The following SFT2D2 variants were observed in gnomAD, a reference collection of about 807,000 sequenced individuals.
The protein encoded by SFT2D2 is vesicle transport protein SFT2B.
A neutral mutation model predicts 27.4 loss-of-function variants in SFT2D2; 21 were observed. The observed-to-expected ratio is 0.77, with a 90% CI of 0.54 to 1.10. The LOEUF (loss-of-function observed/expected upper bound fraction) is 1.10. Ranked by LOEUF, SFT2D2 falls within the 50% of genes least tolerant of loss-of-function variation. The pLI, the probability that SFT2D2 is intolerant of heterozygous loss-of-function variation, is 0.00. For synonymous variants in SFT2D2, 72 were observed against 71.7 expected, an observed-to-expected ratio of 1.00 and a Z score of -0.02; for missense variants, 187 against 194.2, an observed-to-expected ratio of 0.96 and a Z score of 0.22.
At chr1:168,234,885 A>G (rs1212579020) in intron 3 of SFT2D2, among the ~76,000 whole-genome samples, 1 of 152,164 alleles carries the variant, frequency 6.6e-6, no homozygotes, top group Admixed American at 6.5e-5. Context: ...TGGATAAAGT[A>G]ACTCTGTGGG....
chr1:168,242,059 A>G (rs905481300), intron 7 of SFT2D2, among the ~76,000 whole-genome samples: 8 of 152,218 alleles, frequency 5.3e-5, no homozygotes, highest in East Asian at 1.9e-4. Flanking sequence ...TAGCATATTA[A>G]TAAGTGCTCA....
rs913281559 is a variant in SFT2D2, at chr1:168,236,776, T to C, written c.413+6T>C. 1 of 1,613,794 alleles carries C rather than the reference T, an allele frequency of 6.2e-7. No homozygotes were observed. The highest frequency in any genetic ancestry group is 8.5e-7 in the Non-Finnish European group (1 of 1,179,884). The stretch of plus-strand genomic sequence containing the variant: ...CAGTCTTTGGCATTGACGTGGTAAG[T>C]AACCTTTTAAACAATCCCCTCCCAC... On this transcript the variant is annotated splice_donor_region_variant and intron_variant, in intron 6 of 7. Coordinates refer to ENST00000271375, the MANE Select transcript of SFT2D2 (RefSeq NM_199344.3).
intron 6 of SFT2D2, among the ~76,000 whole-genome samples, chr1:168,238,646 T>C (rs554667070): frequency 1.8e-4 from 27 of 151,966 alleles, no homozygotes; most frequent in African/African-American, 6.3e-4. Flanking sequence ...CAGTGAGCTA[T>C]GATTGAGCCA....
rs897254294 is a variant in SFT2D2 at position 168,248,889 on chromosome 1, G to A, written c.*6349G>A. 6.6e-6 allele frequency: 1 copy of A among 151,804 alleles called. No homozygotes were observed. Among genetic ancestry groups the A allele is most frequent in the Non-Finnish European group, 1.5e-5 (1 of 67,922 alleles). 9.4% of individuals were successfully genotyped at this position (151,804 alleles called of 1,614,324 possible). On this transcript the variant is annotated 3_prime_UTR_variant, in exon 8 of 8. Transcript: ENST00000271375. ...CTTTATTTGCGTAGAGTTGTTTATA[G>A]TATTCTCTAATGGTAGTTTGTATTT...
intron 6 of SFT2D2, 148 bp downstream of exon 6, chr1:168,236,918 G>A: frequency 1.9e-6 from 2 of 1,035,862 alleles, no homozygotes; most frequent in Non-Finnish European, 2.9e-6. Context: ...AGTGAAGTCA[G>A]GCTCCAGAGC....
rs1004242352 is a variant in SFT2D2, at chr1:168,252,348, A to G, written c.*9808A>G. The G allele has an allele frequency of 1.3e-5, 2 of 152,220 alleles. No homozygotes were observed. The highest frequency in any genetic ancestry group is 2.9e-5 in the Non-Finnish European group (2 of 68,042). 9.4% of individuals were successfully genotyped at this position (152,220 alleles called of 1,614,324 possible). On this transcript the variant is annotated 3_prime_UTR_variant, in exon 8 of 8. Transcript: ENST00000271375. ...TAAATGGACTAGCTACCTGGACATA[A>G]TATCCTTGTGAGGCATCCTTAAAGG...
intron 7 of SFT2D2, among the ~76,000 whole-genome samples, chr1:168,242,223 A>G (rs1490791188): frequency 5.3e-5 from 8 of 152,152 alleles, no homozygotes; most frequent in Admixed American, 2.6e-4. Context: ...AGTCTATGTT[A>G]TCTTTTTCTC....
chr1:168,232,945 C>T (rs1647367590), intron 3 of SFT2D2, among the ~76,000 whole-genome samples: 1 of 152,198 alleles, frequency 6.6e-6, no homozygotes, highest in African/African-American at 2.4e-5. Flanking sequence ...TCTGCTTGGT[C>T]TCTCTGTCTC....
chr1:168,226,546 C>G (rs962997716), intron 1 of SFT2D2, among the ~76,000 whole-genome samples: 15 of 151,920 alleles, frequency 9.9e-5, no homozygotes, highest in African/African-American at 3.4e-4. Context: ...CAGACCCGGA[C>G]TGGGGTGTTG....
intron 7 of SFT2D2, among the ~76,000 whole-genome samples, chr1:168,241,075 A>G (rs1189255317): frequency 1.3e-5 from 2 of 152,164 alleles, no homozygotes; most frequent in Non-Finnish European, 2.9e-5. Flanking sequence ...ATTGGCATGT[A>G]TAAAATTTAT....
chr1:168,246,273 G>T lies in SFT2D2; in HGVS notation c.*3733G>T. On this transcript the variant is annotated 3_prime_UTR_variant, in exon 8 of 8. Coordinates refer to ENST00000271375, the MANE Select transcript of SFT2D2 (RefSeq NM_199344.3). ...ACATTTGGCTTGACTATCAATTACT[G>T]TTTTTTCTTGATTGTCAGCTTTGTT... 2.6e-6 allele frequency: 1 copy of T among 379,988 alleles called. No homozygotes were observed. The highest frequency in any genetic ancestry group is 5.0e-6 in the Non-Finnish European group (1 of 200,910). 23.5% of individuals were successfully genotyped at this position (379,988 alleles called of 1,614,324 possible).
At position 168,244,334 on chromosome 1, in the gene SFT2D2, C is replaced by G. The variant is rs768840534; in HGVS notation, c.*1794C>G. On this transcript the variant is annotated 3_prime_UTR_variant, in exon 8 of 8. Coordinates refer to ENST00000271375, the MANE Select transcript of SFT2D2 (RefSeq NM_199344.3). ...CTGGGATTACAGGTGCCCGCCACCA[C>G]GCCCGTGCTAATTTTTGTGTTTTTA... 8 of 152,270 alleles carry G rather than the reference C, an allele frequency of 5.3e-5. 1 individual carries two copies. Among genetic ancestry groups the G allele is most frequent in the African/African-American group, 1.9e-4 (8 of 41,408 alleles). The allele number at this position is 152,270 out of a possible 1,614,324, so 9.4% of individuals were successfully genotyped here. A position where few individuals can be genotyped will look rare whatever the true frequency, so the allele number is the denominator to read the frequency against.
Position 168,242,572 on chromosome 1 carries a change from C to G in SFT2D2, c.*32C>G. 6.2e-7 allele frequency: 1 copy of G among 1,613,696 alleles called. No homozygotes were observed. The highest frequency in any genetic ancestry group is 1.1e-5 in the South Asian group (1 of 91,068). ...GCCAGTTTTATGAAGCTTTGGAAGG[C>G]ACTATGGACAGAAGCTGGTGGACAG... On this transcript the variant is annotated 3_prime_UTR_variant, in exon 8 of 8. Transcript: ENST00000271375.
intron 6 of SFT2D2, among the ~76,000 whole-genome samples, chr1:168,238,307 A>T (rs1647558315): frequency 6.6e-6 from 1 of 152,048 alleles, no homozygotes; most frequent in Non-Finnish European, 1.5e-5. Flanking sequence ...GCAGAGCAGA[A>T]AATTTATCCC....
In SFT2D2 at chr1:168,246,408, A is replaced by G. The variant is rs1647812911; in HGVS notation, c.*3868A>G. The G allele has an allele frequency of 1.2e-6, 1 of 866,424 alleles. No homozygotes were observed. Among genetic ancestry groups the G allele is most frequent in the Non-Finnish European group, 1.7e-6 (1 of 602,872 alleles). 53.7% of individuals were successfully genotyped at this position (866,424 alleles called of 1,614,324 possible). On this transcript the variant is annotated 3_prime_UTR_variant, in exon 8 of 8. Transcript: ENST00000271375. The stretch of plus-strand genomic sequence containing the variant: ...TACTTTATCTTGGCCACTTGTGTAC[A>G]TTTTTTCAATGTCCTTCATTTGACA...
rs1446638759 is a variant in SFT2D2, at chr1:168,246,333, T to G, written c.*3793T>G. ...ATCCAGTTGCTGTTGAAGCAACATA[T>G]TTTGTCTTCGTAGTTGACATAATCT... On this transcript the variant is annotated 3_prime_UTR_variant, in exon 8 of 8. Transcript: ENST00000271375. 4.3e-6 allele frequency: 2 copies of G among 462,898 alleles called. 1 individual carries two copies. The highest frequency in any genetic ancestry group is 4.0e-5 in the African/African-American group (2 of 49,874). The allele number at this position is 462,898 out of a possible 1,614,324, so 28.7% of individuals were successfully genotyped here. A position where few individuals can be genotyped will look rare whatever the true frequency, so the allele number is the denominator to read the frequency against.
rs186644245 is a variant in SFT2D2, at chr1:168,234,163, C to T, written c.237-938C>T. Among the ~76,000 whole-genome samples the T allele has an allele frequency of 2.1e-3, 320 of 152,184 alleles. 2 individuals are homozygous for T. The highest frequency in any genetic ancestry group is 6.9e-3 in the African/African-American group (286 of 41,528). On this transcript the variant is annotated intron_variant, in intron 3 of 7. Transcript: ENST00000271375. The stretch of plus-strand genomic sequence containing the variant: ...CTATAATTCCAGCACTTTGGGAGGC[C>T]GAGTTGGGCGGATCACGAGGTCAAG...
In SFT2D2 at chr1:168,246,965, C is replaced by A. The variant is rs1352608935; in HGVS notation, c.*4425C>A. 4.7e-6 allele frequency: 3 copies of A among 636,788 alleles called. No individual in the cohort carries two copies. Among genetic ancestry groups the A allele is most frequent in the Non-Finnish European group, 5.6e-6 (2 of 356,558 alleles). 39.4% of individuals were successfully genotyped at this position (636,788 alleles called of 1,614,324 possible). ...GCCTGAGCCTGGCAATTTCATCTTGCATCAAATGGTTTTTATGCAACAGGT... is the reference window on the plus strand; with the variant it reads ...GCCTGAGCCTGGCAATTTCATCTTGAATCAAATGGTTTTTATGCAACAGGT... On this transcript the variant is annotated 3_prime_UTR_variant, in exon 8 of 8. Transcript: ENST00000271375.
chr1:168,233,346 C>G (rs1647380458), intron 3 of SFT2D2, among the ~76,000 whole-genome samples: 1 of 152,184 alleles, frequency 6.6e-6, no homozygotes, highest in African/African-American at 2.4e-5. Flanking sequence ...ATGACCTCTT[C>G]CTTTGGACTC....
Sources: allele counts gnomAD v4.1 joint callset (sites outside exome capture counted in the v4.1 genomes callset), GRCh38; gene constraint gnomAD v4.1.1; transcripts MANE v1.5; gene names NCBI Gene and HGNC (gene_info 2026-07-23, HGNC 2026-07-21).